Variants in SEMA3E observed in about 807,000 individuals in gnomAD.
The protein encoded by SEMA3E is semaphorin 3E.
In SEMA3E, 49 loss-of-function variants were observed where a neutral mutation model predicts 93.6. That is an observed-to-expected ratio of 0.52 (90% CI 0.42 to 0.66). The LOEUF (loss-of-function observed/expected upper bound fraction) is 0.66. SEMA3E is among the 30% of genes least tolerant of loss of function. SEMA3E has a pLI of 0.00. For synonymous variants in SEMA3E, 363 were observed against 330.7 expected (o/e 1.10, Z -1.06); for missense variants, 906 against 964.8 (o/e 0.94, Z 0.81).
At chr7:83,460,733 T>C (rs777181449) in intron 4 of SEMA3E, among the ~76,000 whole-genome samples, 1 of 151,402 alleles carries the variant, frequency 6.6e-6, no homozygotes, top group Non-Finnish European at 1.5e-5. Context: ...CTTGTATCTC[T>C]GTGCCCCGGC....
chr7:83,517,463 C>A (rs1424691983), intron 1 of SEMA3E, among the ~76,000 whole-genome samples: 1 of 152,122 alleles, frequency 6.6e-6, no homozygotes, highest in Admixed American at 6.6e-5. Context: ...TTTGCTACTC[C>A]TCCAACTTTT....
intron 1 of SEMA3E, among the ~76,000 whole-genome samples, chr7:83,645,398 C>T (rs931134148): frequency 1.7e-4 from 26 of 151,998 alleles, no homozygotes; most frequent in African/African-American, 5.8e-4. Flanking sequence ...AAACTCAACT[C>T]AAATCTTGAC....
intron 1 of SEMA3E, among the ~76,000 whole-genome samples, chr7:83,625,009 A>G (rs1217843259): frequency 2.6e-5 from 4 of 152,098 alleles, no homozygotes; most frequent in Non-Finnish European, 5.9e-5. Flanking sequence ...TGTTTTTGTC[A>G]GGTTTGTCAA....
intron 2 of SEMA3E, among the ~76,000 whole-genome samples, chr7:83,473,861 A>T (rs942658572): frequency 8.5e-5 from 13 of 152,118 alleles, no homozygotes; most frequent in Admixed American, 8.5e-4. Context: ...TGGGAGGCCG[A>T]GGCGGGTGGA....
chr7:83,502,059 C>T (rs1328019902), intron 1 of SEMA3E, among the ~76,000 whole-genome samples: 2 of 152,136 alleles, frequency 1.3e-5, no homozygotes, highest in Non-Finnish European at 2.9e-5. Flanking sequence ...TTACCAGAGA[C>T]AAACCAACTC....
At chr7:83,480,568 T>G (rs1270670068) in intron 2 of SEMA3E, among the ~76,000 whole-genome samples, 1 of 152,210 alleles carries the variant, frequency 6.6e-6, no homozygotes, top group Non-Finnish European at 1.5e-5. Flanking sequence ...GGGTTGGCTG[T>G]AACAAAATAG....
intron 4 of SEMA3E, among the ~76,000 whole-genome samples, chr7:83,443,456 C>A (rs1259224076): frequency 1.3e-5 from 2 of 152,162 alleles, no homozygotes; most frequent in East Asian, 3.9e-4. Context: ...CTGATGTATT[C>A]AACCAAGGCT....
At chr7:83,423,661 G>A (rs912364914) in intron 4 of SEMA3E, among the ~76,000 whole-genome samples, 3 of 134,038 alleles carry the variant, frequency 2.2e-5, no homozygotes, top group African/African-American at 5.3e-5. Flanking sequence ...CCACCACCAC[G>A]CCCGGCTAAT....
intron 1 of SEMA3E, among the ~76,000 whole-genome samples, chr7:83,514,263 G>A (rs1790884106): frequency 6.6e-6 from 1 of 152,084 alleles, no homozygotes; most frequent in African/African-American, 2.4e-5. Flanking sequence ...AGCCCTCAGG[G>A]CTGCTGTCTG....
At chr7:83,375,576 A>G (rs996319077) in intron 16 of SEMA3E, among the ~76,000 whole-genome samples, 1 of 152,072 alleles carries the variant, frequency 6.6e-6, no homozygotes, top group Non-Finnish European at 1.5e-5. Context: ...ATTATAATTT[A>G]TACTAGAACA....
At chr7:83,386,598 GAAGT>G (rs1562756245) in intron 15 of SEMA3E, among the ~76,000 whole-genome samples, 1 of 152,074 alleles carries the variant, frequency 6.6e-6, no homozygotes, top group African/African-American at 2.4e-5. Context: ...TGACTTGATA[GAAGT>G]AATACCAGTT....
chr7:83,480,579 C>T (rs1790124672), intron 2 of SEMA3E, among the ~76,000 whole-genome samples: 1 of 151,908 alleles, frequency 6.6e-6, no homozygotes, highest in Non-Finnish European at 1.5e-5. Flanking sequence ...AACAAAATAG[C>T]AAGATATTTT....
chr7:83,412,779 C>G (rs368908717), intron 5 of SEMA3E, among the ~76,000 whole-genome samples: 1 of 143,268 alleles, frequency 7.0e-6, no homozygotes, highest in African/African-American at 2.6e-5. Flanking sequence ...AAAAAAAAAA[C>G]ACACAGGATA....
rs1794622337 is a variant in SEMA3E at position 83,363,860 on chromosome 7, A to ATTTTTTTTCTTTTTTTTTTTTCTTT, written c.*3725_*3726insAAAGAAAAAAAAAAAAGAAAAAAAA. 1 of 76,922 alleles carries ATTTTTTTTCTTTTTTTTTTTTCTTT rather than the reference A, an allele frequency of 1.3e-5. No individual in the cohort carries two copies. The highest frequency in any genetic ancestry group is 5.0e-5 in the African/African-American group (1 of 20,066). 4.8% of individuals were successfully genotyped at this position (76,922 alleles called of 1,614,324 possible). ...GGCTACAGGTGTCACAGGTCAATTC[A>ATTTTTTTTCTTTTTTTTTTTTCTTT]TTTTTTTTTTTTTTTTTTTTTTTTT... On this transcript the variant is annotated 3_prime_UTR_variant, in exon 17 of 17. Transcript: ENST00000643230.
chr7:83,553,552 T>G (rs1791819750), intron 1 of SEMA3E, among the ~76,000 whole-genome samples: 1 of 152,178 alleles, frequency 6.6e-6, no homozygotes, highest in Non-Finnish European at 1.5e-5. Context: ...TTACCAAACC[T>G]TAGCTTAATA....
Position 83,416,842 on chromosome 7 carries a change from G to A in SEMA3E, c.550+1548C>T, listed in dbSNP as rs538272569. On this transcript the variant is annotated intron_variant, in intron 5 of 16. Coordinates refer to ENST00000643230, the MANE Select transcript of SEMA3E (RefSeq NM_012431.3). ...ATAAATTTTAATGTATATTCTGTCAGTTGCATTGGAATTTCTTGCATTTAT... is the reference window on the plus strand; with the variant it reads ...ATAAATTTTAATGTATATTCTGTCAATTGCATTGGAATTTCTTGCATTTAT... Among the ~76,000 whole-genome samples the A allele has an allele frequency of 1.4e-4, 21 of 152,018 alleles. No individual in the cohort carries two copies. The South Asian group carries it at 3.7e-3, about 27-fold the overall frequency.
intron 1 of SEMA3E, among the ~76,000 whole-genome samples, chr7:83,504,820 T>C (rs1244814732): frequency 6.6e-6 from 1 of 152,186 alleles, no homozygotes; most frequent in Non-Finnish European, 1.5e-5. Flanking sequence ...AAGGCTCTTA[T>C]GTGTTAGGTA....
At chr7:83,624,501 G>C (rs140888557) in intron 1 of SEMA3E, among the ~76,000 whole-genome samples, 1,538 of 152,146 alleles carry the variant, frequency 0.01, 22 homozygotes, top group African/African-American at 0.035. Flanking sequence ...TCCTATGTTT[G>C]TTGGCCACTT....
At chr7:83,466,732 A>AG in intron 3 of SEMA3E, 131 bp from the exon 4 acceptor site, 1 of 1,087,502 alleles carries the variant, frequency 9.2e-7, no homozygotes, top group East Asian at 2.6e-5. Context: ...AGGAGGCAAG[A>AG]GGGGTAGAAG....
Sources: allele counts gnomAD v4.1 joint callset (sites outside exome capture counted in the v4.1 genomes callset), GRCh38; gene constraint gnomAD v4.1.1; transcripts MANE v1.5; gene names NCBI Gene and HGNC (gene_info 2026-07-23, HGNC 2026-07-21).